Variants in SLC24A2 observed in about 807,000 individuals in gnomAD.
The protein encoded by SLC24A2 is solute carrier family 24 member 2.
In SLC24A2, 36 loss-of-function variants were observed where a neutral mutation model predicts 62.0. The observed-to-expected ratio is 0.58, with a 90% CI of 0.44 to 0.77. SLC24A2 has a LOEUF of 0.77. Ranked by LOEUF, SLC24A2 falls within the 30% of genes least tolerant of loss-of-function variation. SLC24A2 has a pLI of 0.00. For synonymous variants in SLC24A2, 358 were observed against 294.0 expected (o/e 1.22, Z -2.23); for missense variants, 846 against 817.9 (o/e 1.03, Z -0.42).
rs1239334046 is a variant in SLC24A2 at position 19,507,979 on chromosome 9, C to T, written c.*8174G>A. 1.3e-5 allele frequency: 2 copies of T among 152,184 alleles called. No individual in the cohort carries two copies. Among genetic ancestry groups the T allele is most frequent in the East Asian group, 1.9e-4 (1 of 5,196 alleles). The allele number at this position is 152,184 out of a possible 1,614,324, so 9.4% of individuals were successfully genotyped here. On this transcript the variant is annotated 3_prime_UTR_variant, in exon 11 of 11. Coordinates refer to ENST00000341998, the MANE Select transcript of SLC24A2 (RefSeq NM_020344.4). Reference sequence around the variant, plus strand: ...GAGCAAATGTCTATGTTGGCGTCAACGTTGACAACATTTTCTTTGTTTTAA... The same window carrying T: ...GAGCAAATGTCTATGTTGGCGTCAATGTTGACAACATTTTCTTTGTTTTAA...
the SLC24A2 span, among the ~76,000 whole-genome samples, chr9:20,208,074 T>A: frequency 1.9e-3 from 287 of 152,120 alleles, 1 homozygote; most frequent in African/African-American, 6.4e-3. Flanking sequence ...AGTATGTAAG[T>A]GTAAATGGTC....
chr9:19,583,815 A>G (rs1586995968), intron 5 of SLC24A2, among the ~76,000 whole-genome samples: 1 of 152,164 alleles, frequency 6.6e-6, no homozygotes, highest in South Asian at 2.1e-4. Context: ...AATAAGGTGC[A>G]TGTGCAAAGG....
the SLC24A2 span, among the ~76,000 whole-genome samples, chr9:20,129,888 A>C: frequency 4.9e-4 from 73 of 149,654 alleles, 1 homozygote; most frequent in East Asian, 0.013. Flanking sequence ...GAATGTGCTA[A>C]ATGTAACTAA....
At chr9:19,905,601 C>T in the SLC24A2 span, among the ~76,000 whole-genome samples, 6 of 151,846 alleles carry the variant, frequency 4.0e-5, no homozygotes, top group East Asian at 1.9e-4. Context: ...TTAGTAGAGA[C>T]GGGGTTTCTC....
chr9:19,947,398 GGGAAGGAAGGAAGGA>G, the SLC24A2 span, among the ~76,000 whole-genome samples: 15 of 145,790 alleles, frequency 1.0e-4, no homozygotes, highest in Admixed American at 5.6e-4. Flanking sequence ...GAAGAAAGAA[GGGAAGGAAGGAAGGA>G]GGAAGGAAGG....
the SLC24A2 span, among the ~76,000 whole-genome samples, chr9:20,181,623 C>CA: frequency 6.6e-6 from 1 of 152,130 alleles, no homozygotes; most frequent in African/African-American, 2.4e-5. Context: ...ACACCTTATA[C>CA]AAAAATTGAC....
chr9:19,813,317 C>CTTTTTTTTTT, the SLC24A2 span, among the ~76,000 whole-genome samples: 4 of 86,282 alleles, frequency 4.6e-5, no homozygotes, highest in East Asian at 3.6e-4. Flanking sequence ...TCATCTTCCT[C>CTTTTTTTTTT]TTTTTTTTTT....
At chr9:19,680,065 C>T (rs1184576892) in intron 2 of SLC24A2, among the ~76,000 whole-genome samples, 1 of 152,140 alleles carries the variant, frequency 6.6e-6, no homozygotes, top group East Asian at 1.9e-4. Flanking sequence ...GCAGCACATA[C>T]TAAGTACTTA....
intron 2 of SLC24A2, among the ~76,000 whole-genome samples, chr9:19,774,683 T>C (rs911435848): frequency 4.6e-5 from 7 of 152,142 alleles, no homozygotes; most frequent in African/African-American, 1.7e-4. Flanking sequence ...TAACTCAGTG[T>C]CCATCAAGCA....
At chr9:20,205,605 C>G in the SLC24A2 span, among the ~76,000 whole-genome samples, 3 of 129,916 alleles carry the variant, frequency 2.3e-5, no homozygotes, top group Non-Finnish European at 3.1e-5. Context: ...GAGCCAAGAT[C>G]ACACCACTGC....
chr9:19,520,789 G>C (rs1159112544), intron 10 of SLC24A2, 105 bp downstream of exon 10: 1 of 990,306 alleles, frequency 1.0e-6, no homozygotes, highest in Admixed American at 1.7e-5. Flanking sequence ...TATTGGTATT[G>C]GTTAGTCTTA....
the SLC24A2 span, among the ~76,000 whole-genome samples, chr9:20,148,490 C>A: frequency 1.3e-5 from 2 of 152,056 alleles, no homozygotes. Context: ...TGAGTTATGA[C>A]TACTTTAAAA....
chr9:20,105,946 G>A, the SLC24A2 span, among the ~76,000 whole-genome samples: 23 of 152,122 alleles, frequency 1.5e-4, 1 homozygote, highest in African/African-American at 2.6e-4. Flanking sequence ...TTGATAAACC[G>A]CTGGCAAGAC....
At chr9:19,977,453 C>T in the SLC24A2 span, among the ~76,000 whole-genome samples, 1 of 151,894 alleles carries the variant, frequency 6.6e-6, no homozygotes, top group African/African-American at 2.4e-5. Flanking sequence ...TGATGATGGT[C>T]GTGGAGCATG....
At chr9:19,725,286 C>A (rs547566811) in intron 2 of SLC24A2, among the ~76,000 whole-genome samples, 1 of 152,308 alleles carries the variant, frequency 6.6e-6, no homozygotes, top group South Asian at 2.1e-4. Context: ...CACTGTACAT[C>A]TGGTAAGTGG....
the SLC24A2 span, among the ~76,000 whole-genome samples, chr9:20,239,597 G>T: frequency 6.6e-6 from 1 of 152,178 alleles, no homozygotes; most frequent in African/African-American, 2.4e-5. Context: ...GGGCAATATT[G>T]GTAGCAGATA....
At chr9:19,864,514 T>C in the SLC24A2 span, among the ~76,000 whole-genome samples, 1 of 152,076 alleles carries the variant, frequency 6.6e-6, no homozygotes, top group Non-Finnish European at 1.5e-5. Context: ...AATTTATCCC[T>C]GTAAAGCAAG....
At chr9:20,067,343 G>A in the SLC24A2 span, among the ~76,000 whole-genome samples, 5 of 152,284 alleles carry the variant, frequency 3.3e-5, no homozygotes, top group African/African-American at 4.8e-5. Context: ...CCCTTAGGAC[G>A]ATAAGAAGAC....
the SLC24A2 span, among the ~76,000 whole-genome samples, chr9:19,995,034 G>A: frequency 1.1e-4 from 17 of 151,278 alleles, no homozygotes; most frequent in South Asian, 8.4e-4. Flanking sequence ...TTAATTTGGC[G>A]GATGGTGAGG....
Sources: allele counts gnomAD v4.1 joint callset (sites outside exome capture counted in the v4.1 genomes callset), GRCh38; gene constraint gnomAD v4.1.1; transcripts MANE v1.5; gene names NCBI Gene and HGNC (gene_info 2026-07-23, HGNC 2026-07-21).